Variants in ABCA1 observed in about 807,000 individuals in gnomAD.
ABCA1 encodes ATP binding cassette subfamily A member 1.
In ABCA1, 133 loss-of-function variants were observed where a neutral mutation model predicts 262.5. The observed-to-expected ratio is 0.51, with a 90% CI of 0.44 to 0.59. The LOEUF is 0.59. ABCA1 is among the 20% of genes least tolerant of loss of function. The probability of loss-of-function intolerance (pLI) is 0.00; values close to 1 mark genes in which losing one functional copy is unlikely to be tolerated. For missense variants in ABCA1, 2,452 were observed against 2,777.5 expected, an observed-to-expected ratio of 0.88 and a Z score of 2.63; for synonymous variants, 1,022 against 1,043.5, an observed-to-expected ratio of 0.98 and a Z score of 0.40.
At chr9:104,841,402 A>C (rs1834360811) in intron 8 of ABCA1, among the ~76,000 whole-genome samples, 2 of 152,114 alleles carry the variant, frequency 1.3e-5, no homozygotes, top group South Asian at 4.2e-4. Context: ...CACCACTGCA[A>C]TCCAGCCTGG....
At chr9:104,900,726 A>C (rs1354108766) in intron 2 of ABCA1, among the ~76,000 whole-genome samples, 2 of 152,206 alleles carry the variant, frequency 1.3e-5, no homozygotes, top group African/African-American at 2.4e-5. Context: ...AACTCTGGGC[A>C]CCTGTGCCCC....
intron 3 of ABCA1, among the ~76,000 whole-genome samples, chr9:104,887,926 C>T (rs1304691113): frequency 6.6e-6 from 1 of 152,006 alleles, no homozygotes; most frequent in South Asian, 2.1e-4. Flanking sequence ...GAGGTTCCAC[C>T]GTGTTGGCCA....
chr9:104,808,424 G>A (rs1830984971), intron 30 of ABCA1, among the ~76,000 whole-genome samples: 1 of 152,144 alleles, frequency 6.6e-6, no homozygotes, highest in African/African-American at 2.4e-5. Context: ...CAACCTTCAT[G>A]TGGAAAATCA....
At chr9:104,883,980 G>A (rs1178061717) in intron 4 of ABCA1, among the ~76,000 whole-genome samples, 1 of 152,180 alleles carries the variant, frequency 6.6e-6, no homozygotes, top group South Asian at 2.1e-4. Context: ...GTAGTCTGAT[G>A]GGGCAGTGAC....
intron 31 of ABCA1, 27 bp downstream of exon 31, chr9:104,806,214 C>T (rs1830747939): frequency 6.2e-7 from 1 of 1,610,112 alleles, no homozygotes; most frequent in Non-Finnish European, 8.5e-7. Flanking sequence ...ACCCCTTCTG[C>T]CCAATCACCC....
rs915534554 is a variant in ABCA1 at position 104,793,270 on chromosome 9, C to A, written c.5537G>T (p.Trp1846Leu). 3.1e-6 allele frequency: 5 copies of A among 1,614,098 alleles called. No individual in the cohort carries two copies. The highest frequency in any genetic ancestry group is 4.2e-6 in the Non-Finnish European group (5 of 1,180,016). ...GENRFVSPLS[W>L]DLVGRNLFAM... ...GAAGAGGTTTCGTCCCACCAAGTCC[C>A]AAGATAATGGTGACACAAAGCGATT... is the stretch of plus-strand genomic sequence containing the variant. The change falls in exon 41 of 50, where the codon TGG becomes TTG. Residue 1846 changes from tryptophan (W) to leucine (L), a missense_variant. Around this residue, in one of 4 missense-constraint regions of ABCA1, gnomAD observed 752 missense variants for 944.5 expected, o/e 0.80. Transcript: ENST00000374736.
chr9:104,825,502 T>C, intron 17 of ABCA1, 181 bp downstream of exon 17: 2 of 683,148 alleles, frequency 2.9e-6, no homozygotes, highest in South Asian at 3.3e-5. Context: ...AAACAAGTGC[T>C]GTACAAGTAG....
At chr9:104,894,791 G>C (rs1398586390) in intron 2 of ABCA1, among the ~76,000 whole-genome samples, 1 of 152,218 alleles carries the variant, frequency 6.6e-6, no homozygotes, top group Non-Finnish European at 1.5e-5. Context: ...GAATTAAAGA[G>C]ACTGTCTGCA....
chr9:104,877,989 A>C (rs1233674574), intron 5 of ABCA1, among the ~76,000 whole-genome samples: 1 of 152,240 alleles, frequency 6.6e-6, no homozygotes. Context: ...ATGAAATTGC[A>C]ATTGGATGTG....
At position 104,784,917 on chromosome 9, in the gene ABCA1, T is replaced by TA. The variant is rs374431343; in HGVS notation, c.6646-463dup. Among the ~76,000 whole-genome samples the TA allele has an allele frequency of 3.5e-3, 527 of 152,328 alleles. 2 individuals are homozygous for TA. The highest frequency in any genetic ancestry group is 0.012 in the African/African-American group (505 of 41,568). ...CCTCAGCCTCCCAAAGTGCTGGGAT[T>TA]ACAGGCATGAGCCACCACGCCCGGC... On this transcript the variant is annotated intron_variant, in intron 49 of 49. Transcript: ENST00000374736.
chr9:104,860,465 A>T (rs1836269524), intron 6 of ABCA1, among the ~76,000 whole-genome samples: 1 of 152,220 alleles, frequency 6.6e-6, no homozygotes, highest in African/African-American at 2.4e-5. Flanking sequence ...TAAAAATTCT[A>T]GATCATGTGA....
chr9:104,817,271 C>T lies in ABCA1; in HGVS notation c.3535+61G>A. 6.2e-7 allele frequency: 1 copy of T among 1,613,594 alleles called. No homozygotes were observed. Among genetic ancestry groups the T allele is most frequent in the Non-Finnish European group, 8.5e-7 (1 of 1,179,844 alleles). Reference sequence around the variant, plus strand: ...CTCTGCACCTCTCCTCCTCTGCCTCCACTCTGCCCAGCTGGGGGAAGCTCA... The same window carrying T: ...CTCTGCACCTCTCCTCCTCTGCCTCTACTCTGCCCAGCTGGGGGAAGCTCA... On this transcript the variant is annotated intron_variant, in intron 24 of 49. Transcript: ENST00000374736. The surrounding 1 kb of genome is among the most constrained non-coding windows in gnomAD (Gnocchi z 4.7).
rs765833937 is a variant in ABCA1, at chr9:104,799,988, C to T, written c.4774G>A (p.Val1592Met). 9.9e-6 allele frequency: 16 copies of T among 1,614,006 alleles called. No individual in the cohort carries two copies. The highest frequency in any genetic ancestry group is 1.7e-5 in the Admixed American group (1 of 60,008). Residue 1592 changes from valine to methionine, a missense_variant and splice_region_variant, in exon 36 of 50, where the codon GTG becomes ATG. Physicochemically the swap from Val to Met is conservative, Grantham distance 21. Around this residue, in one of 4 missense-constraint regions of ABCA1, gnomAD observed 752 missense variants for 944.5 expected, o/e 0.80. Coordinates refer to ENST00000374736, the MANE Select transcript of ABCA1 (RefSeq NM_005502.4). ...TGLDTKNNVK[V>M]WFNNKGWHAI... ...TGCCAGCCCTTGTTATTGAACCACA[C>T]CTGAAAGAAAACATACCAGGTACAA...
intron 7 of ABCA1, among the ~76,000 whole-genome samples, chr9:104,848,735 C>T (rs1024266333): frequency 1.3e-5 from 2 of 152,108 alleles, no homozygotes; most frequent in African/African-American, 2.4e-5. Flanking sequence ...AGAACCAGCA[C>T]CATGTTCACA....
At chr9:104,921,739 A>G (rs1842149433) in intron 1 of ABCA1, among the ~76,000 whole-genome samples, 1 of 152,216 alleles carries the variant, frequency 6.6e-6, no homozygotes, top group Non-Finnish European at 1.5e-5. Flanking sequence ...TCCTTGTTGG[A>G]CTTATTCAAG....
chr9:104,877,612 G>T (rs540857135), intron 5 of ABCA1, among the ~76,000 whole-genome samples: 1 of 152,396 alleles, frequency 6.6e-6, no homozygotes, highest in South Asian at 2.1e-4. Flanking sequence ...GAACAGAAGG[G>T]GAAGCAAAGC....
At chr9:104,795,886 G>T (rs1166136916) in intron 39 of ABCA1, among the ~76,000 whole-genome samples, 167 bp downstream of exon 39, 1 of 152,238 alleles carries the variant, frequency 6.6e-6, no homozygotes, top group African/African-American at 2.4e-5. Context: ...GGCACAGCAA[G>T]AAAGAAAGGT....
chr9:104,862,433 A>G (rs981573174), intron 5 of ABCA1, among the ~76,000 whole-genome samples: 20 of 96,076 alleles, frequency 2.1e-4, no homozygotes, highest in African/African-American at 1.2e-3. Context: ...GATCTCACCC[A>G]CCCCACCTGA....
intron 2 of ABCA1, among the ~76,000 whole-genome samples, chr9:104,899,453 G>A (rs1277031566): frequency 6.6e-6 from 1 of 152,152 alleles, no homozygotes; most frequent in African/African-American, 2.4e-5. Flanking sequence ...CAGCAGATTG[G>A]AAGGCTGAGG....
Sources: gnomAD v4.1 joint callset for allele counts (sites outside exome capture counted in the v4.1 genomes callset) on GRCh38, gnomAD v4.1.1 for gene constraint, gnomAD v4.1.1 regional missense constraint, Gnocchi (gnomAD v3.1) non-coding constraint, MANE v1.5 for transcripts, NCBI Gene and HGNC (gene_info 2026-07-23, HGNC 2026-07-21) for gene names.